The following BMPR1B variants were observed in gnomAD, a reference collection of about 807,000 sequenced individuals.
The protein encoded by BMPR1B is bone morphogenetic protein receptor type 1B.
In BMPR1B, 12 loss-of-function variants were observed where a neutral mutation model predicts 59.1. The observed-to-expected ratio is 0.20, with a 90% confidence interval of 0.13 to 0.33. BMPR1B has a LOEUF of 0.33. Ranked by LOEUF, BMPR1B falls within the 10% of genes least tolerant of loss-of-function variation. The pLI, the probability that BMPR1B is intolerant of heterozygous loss-of-function variation, is 1.00. For synonymous variants in BMPR1B, 237 were observed against 207.3 expected, an observed-to-expected ratio of 1.14 and a Z score of -1.23; for missense variants, 550 against 610.9, an observed-to-expected ratio of 0.90 and a Z score of 1.05.
intron 3 of BMPR1B, among the ~76,000 whole-genome samples, chr4:95,002,971 T>C (rs1231326764): frequency 6.6e-6 from 1 of 151,986 alleles, no homozygotes; most frequent in Non-Finnish European, 1.5e-5. Context: ...CTATTCTCTT[T>C]TCTGGTTTAG....
At chr4:95,030,876 C>G (rs1365390007) in intron 3 of BMPR1B, among the ~76,000 whole-genome samples, 3 of 152,212 alleles carry the variant, frequency 2.0e-5, no homozygotes, top group Non-Finnish European at 2.9e-5. Flanking sequence ...AAAGAGGATA[C>G]AAAGAAATGG....
intron 1 of BMPR1B, among the ~76,000 whole-genome samples, chr4:94,829,057 G>T (rs994856750): frequency 2.0e-5 from 3 of 151,474 alleles, no homozygotes; most frequent in Admixed American, 6.6e-5. Context: ...AAAAGGTGTT[G>T]AAAGTTTATG....
intron 3 of BMPR1B, among the ~76,000 whole-genome samples, chr4:95,017,474 G>T (rs1431545624): frequency 6.6e-6 from 1 of 152,190 alleles, no homozygotes; most frequent in African/African-American, 2.4e-5. Context: ...TGGGGCCTGT[G>T]TTAGAATCAC....
At chr4:95,022,227 C>T (rs1724039424) in intron 3 of BMPR1B, among the ~76,000 whole-genome samples, 1 of 152,088 alleles carries the variant, frequency 6.6e-6, no homozygotes, top group Non-Finnish European at 1.5e-5. Context: ...TTTTAAAGGC[C>T]CACTTTGTTT....
At chr4:95,019,503 G>C (rs1348093021) in intron 3 of BMPR1B, among the ~76,000 whole-genome samples, 1 of 152,134 alleles carries the variant, frequency 6.6e-6, no homozygotes, top group African/African-American at 2.4e-5. Context: ...TAGAGAAACT[G>C]TTATGTTTTT....
chr4:94,915,690 T>G (rs1728457106), intron 2 of BMPR1B, among the ~76,000 whole-genome samples: 1 of 152,214 alleles, frequency 6.6e-6, no homozygotes, highest in Non-Finnish European at 1.5e-5. Flanking sequence ...TTCTAGCCCT[T>G]CATAGTTGCC....
intron 1 of BMPR1B, among the ~76,000 whole-genome samples, chr4:94,761,226 C>T (rs1195573826): frequency 1.3e-5 from 2 of 152,154 alleles, no homozygotes; most frequent in African/African-American, 4.8e-5. Context: ...TATCACTTTG[C>T]AATAACTGAT....
At chr4:94,798,533 C>G (rs1023130373) in intron 1 of BMPR1B, among the ~76,000 whole-genome samples, 1 of 152,224 alleles carries the variant, frequency 6.6e-6, no homozygotes, top group African/African-American at 2.4e-5. Context: ...TCACATCCAG[C>G]CTCTTAACAA....
intron 1 of BMPR1B, among the ~76,000 whole-genome samples, chr4:94,776,900 A>G (rs556501182): frequency 1.3e-5 from 2 of 152,318 alleles, no homozygotes; most frequent in African/African-American, 4.8e-5. Context: ...TATTTCCTTT[A>G]TCCTTTCTCC....
rs2149336190 is a variant in BMPR1B at position 95,157,252 on chromosome 4, T to C, written c.*2579T>C. On this transcript the variant is annotated 3_prime_UTR_variant, in exon 13 of 13. Transcript: ENST00000515059. ...TCCTGAGATACTTAAAAAGACCCAC[T>C]TAGCGATTATAGTTGCTCAATGAAA... 1 of 152,262 alleles carries C rather than the reference T, an allele frequency of 6.6e-6. No homozygotes were observed. The highest frequency in any genetic ancestry group is 3.4e-3 in the Middle Eastern group (1 of 294). The allele number at this position is 152,262 out of a possible 1,614,324, so 9.4% of individuals were successfully genotyped here. A position where few individuals can be genotyped will look rare whatever the true frequency, so the allele number is the denominator to read the frequency against.
At position 95,015,452 on chromosome 4, in the gene BMPR1B, T is replaced by C. The variant is rs375995638; in HGVS notation, c.-18+19318T>C. On this transcript the variant is annotated intron_variant, in intron 3 of 12. Transcript: ENST00000515059. The stretch of plus-strand genomic sequence containing the variant: ...CCCCGTCTGGACTGCAGTGGTGCTG[T>C]CATAGCTCACTATAGCTCCAACTCC... Among the ~76,000 whole-genome samples the C allele has an allele frequency of 2.6e-4, 39 of 152,286 alleles. No individual in the cohort carries two copies. The South Asian group carries it at 7.5e-3, about 29-fold the overall frequency.
At chr4:94,958,856 A>G (rs1308575698) in intron 2 of BMPR1B, among the ~76,000 whole-genome samples, 4 of 152,138 alleles carry the variant, frequency 2.6e-5, no homozygotes, top group Non-Finnish European at 5.9e-5. Flanking sequence ...AGGGGCTCAT[A>G]TGAGTACATT....
rs1399450397 is a variant in BMPR1B, at chr4:94,778,876, GTTCTT to G, written c.-183+20814_-183+20818del. 1.5e-4 allele frequency among the ~76,000 whole-genome samples: 23 copies of G among 151,552 alleles called. No individual in the cohort carries two copies. The East Asian group carries it at 4.1e-3, about 27-fold the overall frequency. ...TTGCTGATTTCGTATTAGATTGGTT[GTTCTT>G]TTCTTAGTGACTTTTAGGGATTTTT... On this transcript the variant is annotated intron_variant, in intron 1 of 12. Coordinates refer to ENST00000515059, the MANE Select transcript of BMPR1B (RefSeq NM_001203.3).
intron 3 of BMPR1B, among the ~76,000 whole-genome samples, chr4:95,045,183 C>T (rs191451684): frequency 1.3e-5 from 2 of 152,222 alleles, no homozygotes; most frequent in East Asian, 3.9e-4. Context: ...AAGAAAATAA[C>T]ACTCACCTTA....
At chr4:95,096,116 A>T (rs1390160449) in intron 3 of BMPR1B, among the ~76,000 whole-genome samples, 1 of 150,686 alleles carries the variant, frequency 6.6e-6, no homozygotes, top group Non-Finnish European at 1.5e-5. Context: ...AATATTTTTA[A>T]AATAAGGAAC....
At chr4:95,039,414 ACTT>A (rs1339984801) in intron 3 of BMPR1B, among the ~76,000 whole-genome samples, 4 of 126,144 alleles carry the variant, frequency 3.2e-5, no homozygotes, top group Middle Eastern at 4.0e-3. Context: ...GGTTCATTTT[ACTT>A]CTTCTTTTTT....
intron 3 of BMPR1B, among the ~76,000 whole-genome samples, chr4:95,014,648 C>T (rs1159126826): frequency 6.6e-6 from 1 of 152,098 alleles, no homozygotes; most frequent in Non-Finnish European, 1.5e-5. Context: ...CTGACTTTAT[C>T]ATTATAATAT....
rs556083871 is a variant in BMPR1B, at chr4:95,055,698, T to C, written c.-17-48710T>C. 2.6e-4 allele frequency among the ~76,000 whole-genome samples: 40 copies of C among 152,336 alleles called. No homozygotes were observed. The South Asian group carries it at 3.5e-3, about 13-fold the overall frequency. On this transcript the variant is annotated intron_variant, in intron 3 of 12. Transcript: ENST00000515059. ...TTCTGCTCATTAGATTGGATAGTAA[T>C]TTCACGTAATTGCCAAGTACAGACT...
At chr4:95,098,803 A>C (rs1442650519) in intron 3 of BMPR1B, among the ~76,000 whole-genome samples, 2 of 151,588 alleles carry the variant, frequency 1.3e-5, no homozygotes, top group Non-Finnish European at 2.9e-5. Context: ...TGCAAGCTCC[A>C]CCTCCCAGGT....
Sources: gnomAD v4.1 joint callset for allele counts (sites outside exome capture counted in the v4.1 genomes callset) on GRCh38, gnomAD v4.1.1 for gene constraint, MANE v1.5 for transcripts, NCBI Gene and HGNC (gene_info 2026-07-23, HGNC 2026-07-21) for gene names.